The following TUSC3 variants were observed in gnomAD, a reference collection of about 807,000 sequenced individuals.
TUSC3 encodes the protein dolichyl-diphosphooligosaccharide--protein glycosyltransferase subunit TUSC3.
A neutral mutation model predicts 44.8 loss-of-function variants in TUSC3; 45 were observed. The observed-to-expected ratio is 1.00, with a 90% CI of 0.79 to 1.29. The LOEUF (loss-of-function observed/expected upper bound fraction) is 1.29, where lower values mean the gene tolerates loss of function less well. TUSC3 is among the 50% of genes most tolerant of loss of function. TUSC3 has a pLI of 0.00. For synonymous variants in TUSC3, 212 were observed against 152.9 expected (o/e 1.39, Z -2.85); for missense variants, 519 against 437.9 (o/e 1.19, Z -1.65).
the TUSC3 span, among the ~76,000 whole-genome samples, chr8:15,780,754 C>A: frequency 7.2e-5 from 11 of 152,230 alleles, no homozygotes; most frequent in South Asian, 2.3e-3. Flanking sequence ...TTTGTGTGGG[C>A]AATGAGCACC....
intron 1 of TUSC3, among the ~76,000 whole-genome samples, chr8:15,620,168 GAATA>G (rs1224935757): frequency 6.6e-6 from 1 of 151,868 alleles, no homozygotes; most frequent in Non-Finnish European, 1.5e-5. Flanking sequence ...GAATAAGAAT[GAATA>G]CTCTAATCTG....
chr8:15,669,290 C>A (rs543595366), intron 5 of TUSC3, among the ~76,000 whole-genome samples: 4 of 151,900 alleles, frequency 2.6e-5, no homozygotes, highest in African/African-American at 9.6e-5. Context: ...CTAAAACTTT[C>A]ATTCCATGAT....
At chr8:15,772,778 G>C in the TUSC3 span, among the ~76,000 whole-genome samples, 1 of 152,108 alleles carries the variant, frequency 6.6e-6, no homozygotes, top group African/African-American at 2.4e-5. Flanking sequence ...CAATCCAGCA[G>C]GATACTAAAA....
the TUSC3 span, among the ~76,000 whole-genome samples, chr8:15,809,491 C>G: frequency 2.7e-5 from 4 of 149,950 alleles, no homozygotes; most frequent in African/African-American, 1.0e-4. Context: ...CATTCCAAGA[C>G]CCCCCCTGTA....
the TUSC3 span, among the ~76,000 whole-genome samples, chr8:15,833,733 T>C: frequency 2.6e-3 from 398 of 151,992 alleles, 4 homozygotes; most frequent in African/African-American, 9.0e-3. Context: ...AAATAACTAA[T>C]GGGTACTAGG....
the TUSC3 span, among the ~76,000 whole-genome samples, chr8:15,775,669 T>C: frequency 6.9e-5 from 10 of 144,152 alleles, no homozygotes; most frequent in South Asian, 2.2e-4. Flanking sequence ...TATACATATA[T>C]ACACACATAA....
intron 1 of TUSC3, among the ~76,000 whole-genome samples, chr8:15,419,711 A>C (rs1400700911): frequency 6.6e-6 from 1 of 152,214 alleles, no homozygotes; most frequent in Non-Finnish European, 1.5e-5. Context: ...GAGTATCTCT[A>C]TGACTTTATA....
intron 1 of TUSC3, among the ~76,000 whole-genome samples, chr8:15,441,512 G>T (rs1372909692): frequency 6.6e-6 from 1 of 152,084 alleles, no homozygotes; most frequent in Non-Finnish European, 1.5e-5. Context: ...TGATATTCTT[G>T]GAACATAGAT....
intron 6 of TUSC3, among the ~76,000 whole-genome samples, chr8:15,705,113 G>T (rs907144444): frequency 1.3e-5 from 2 of 150,802 alleles, no homozygotes; most frequent in African/African-American, 2.4e-5. Context: ...AATGCCCTGG[G>T]TGCATGATTT....
chr8:15,826,082 G>C, the TUSC3 span, among the ~76,000 whole-genome samples: 8 of 152,184 alleles, frequency 5.3e-5, no homozygotes, highest in African/African-American at 1.9e-4. Context: ...GAGGTATGTT[G>C]TGTCTGAACT....
intron 2 of TUSC3, among the ~76,000 whole-genome samples, chr8:15,641,979 A>C (rs1272646631): frequency 6.6e-6 from 1 of 152,224 alleles, no homozygotes; most frequent in Non-Finnish European, 1.5e-5. Flanking sequence ...ATATGTCTAC[A>C]CTCACCAAAT....
intron 1 of TUSC3, among the ~76,000 whole-genome samples, chr8:15,545,504 G>A (rs1255746664): frequency 3.3e-5 from 5 of 151,688 alleles, no homozygotes. Flanking sequence ...TGTGCTATAT[G>A]CAAATATCCT....
intron 2 of TUSC3, among the ~76,000 whole-genome samples, chr8:15,501,907 A>C (rs1050753533): frequency 6.6e-6 from 1 of 152,298 alleles, no homozygotes; most frequent in Non-Finnish European, 1.5e-5. Flanking sequence ...ACCTGTGTCC[A>C]CCTTAGTTCA....
In TUSC3 at chr8:15,607,542, C is replaced by A. The variant is rs186789113; in HGVS notation, c.139-15538C>A. 1.6e-4 allele frequency among the ~76,000 whole-genome samples: 24 copies of A among 152,244 alleles called. No individual in the cohort carries two copies. The East Asian group carries it at 3.7e-3, about 23-fold the overall frequency. On this transcript the variant is annotated intron_variant, in intron 1 of 10. Coordinates refer to ENST00000503731, the MANE Select transcript of TUSC3 (RefSeq NM_006765.4). ...AATTGTCATTAAGTAAAATTTACTT[C>A]TCCTCTAACATTTCATTATGAACTT...
chr8:15,508,060 G>A (rs1360370577), intron 2 of TUSC3, among the ~76,000 whole-genome samples: 1 of 152,174 alleles, frequency 6.6e-6, no homozygotes, highest in East Asian at 1.9e-4. Context: ...TGGTCAACAT[G>A]GGGAAACCCG....
In TUSC3 at chr8:15,733,555, G is replaced by A. The variant is rs570189832; in HGVS notation, c.862+2826G>A. 1.1e-4 allele frequency: 24 copies of A among 224,736 alleles called. 1 individual carries two copies. The South Asian group carries it at 1.3e-3, about 12-fold the overall frequency. The allele number at this position is 224,736 out of a possible 1,614,324, so 13.9% of individuals were successfully genotyped here. On this transcript the variant is annotated intron_variant, in intron 7 of 10. Coordinates refer to ENST00000503731, the MANE Select transcript of TUSC3 (RefSeq NM_006765.4). ...ATCATTGACATCAAGCTGAGATTTA[G>A]GATTCAAATAAATTTCACAAGCAGT...
chr8:15,623,934 C>T (rs2129164912), intron 2 of TUSC3, among the ~76,000 whole-genome samples: 1 of 152,234 alleles, frequency 6.6e-6, no homozygotes, highest in Admixed American at 6.5e-5. Flanking sequence ...ACACTTCTTG[C>T]CCTTTAAAGT....
chr8:15,464,186 A>G (rs1454219011), intron 1 of TUSC3, among the ~76,000 whole-genome samples: 2 of 152,190 alleles, frequency 1.3e-5, no homozygotes, highest in Admixed American at 6.5e-5. Context: ...CTGTTTAACT[A>G]GAGTGTGTTT....
intron 1 of TUSC3, among the ~76,000 whole-genome samples, chr8:15,469,613 C>A (rs1285105285): frequency 6.6e-6 from 1 of 152,172 alleles, no homozygotes; most frequent in African/African-American, 2.4e-5. Flanking sequence ...TAAACATATT[C>A]TTACCATGTG....
Sources: allele counts gnomAD v4.1 joint callset (sites outside exome capture counted in the v4.1 genomes callset), GRCh38; gene constraint gnomAD v4.1.1; transcripts MANE v1.5; gene names NCBI Gene and HGNC (gene_info 2026-07-23, HGNC 2026-07-21).